The following TNFSF4 variants were observed in gnomAD, a reference collection of about 807,000 sequenced individuals.
The protein encoded by TNFSF4 is tumor necrosis factor ligand superfamily member 4.
In TNFSF4, 4 loss-of-function variants were observed where a neutral mutation model predicts 7.3. The observed-to-expected ratio is 0.55, with a 90% CI of 0.27 to 1.25. The LOEUF (loss-of-function observed/expected upper bound fraction) is 1.25. TNFSF4 is among the 50% of genes most tolerant of loss of function. The pLI is 0.12. For synonymous variants in TNFSF4, 76 were observed against 83.7 expected, an observed-to-expected ratio of 0.91 and a Z score of 0.50; for missense variants, 181 against 208.8, an observed-to-expected ratio of 0.87 and a Z score of 0.82.
the TNFSF4 span, among the ~76,000 whole-genome samples, chr1:173,258,433 A>G: frequency 4.6e-5 from 7 of 152,004 alleles, no homozygotes; most frequent in African/African-American, 1.7e-4. Flanking sequence ...TGATTGTGCT[A>G]CCCCAACCAG....
At chr1:173,390,879 G>A in the TNFSF4 span, among the ~76,000 whole-genome samples, 1 of 151,308 alleles carries the variant, frequency 6.6e-6, no homozygotes. Flanking sequence ...TCGAGTAGCT[G>A]GAATTACAGG....
the TNFSF4 span, among the ~76,000 whole-genome samples, chr1:173,345,679 A>T: frequency 6.6e-6 from 1 of 152,230 alleles, no homozygotes; most frequent in Non-Finnish European, 1.5e-5. Flanking sequence ...TGAAAGATGG[A>T]CTAAATGGAC....
At chr1:173,217,508 G>T in the TNFSF4 span, among the ~76,000 whole-genome samples, 2 of 152,302 alleles carry the variant, frequency 1.3e-5, no homozygotes, top group South Asian at 4.1e-4. Context: ...CTTCTACCGT[G>T]CCTGATACAT....
At chr1:173,204,916 C>CACACAA (rs1553213474) in intron 1 of TNFSF4, among the ~76,000 whole-genome samples, 104 of 134,150 alleles carry the variant, frequency 7.8e-4, no homozygotes, top group African/African-American at 3.6e-3. Context: ...CACACACACA[C>CACACAA]ACACACAAAC....
At chr1:173,365,081 T>C in the TNFSF4 span, among the ~76,000 whole-genome samples, 2 of 147,256 alleles carry the variant, frequency 1.4e-5, no homozygotes, top group Admixed American at 6.7e-5. Context: ...TGTGAGACCC[T>C]GTCACAGGGA....
At chr1:173,448,547 A>G in the TNFSF4 span, among the ~76,000 whole-genome samples, 1 of 152,126 alleles carries the variant, frequency 6.6e-6, no homozygotes, top group African/African-American at 2.4e-5. Flanking sequence ...GGGCCATTTT[A>G]TAAGATTTGG....
At chr1:173,410,841 A>C in the TNFSF4 span, among the ~76,000 whole-genome samples, 1 of 152,174 alleles carries the variant, frequency 6.6e-6, no homozygotes, top group Non-Finnish European at 1.5e-5. Context: ...CTCTGTGTAC[A>C]GCTTTAAACC....
At chr1:173,249,499 T>C in the TNFSF4 span, among the ~76,000 whole-genome samples, 1 of 152,224 alleles carries the variant, frequency 6.6e-6, no homozygotes, top group African/African-American at 2.4e-5. Flanking sequence ...CTAAGTGTTC[T>C]GTTCCTTGTG....
chr1:173,362,557 G>A, the TNFSF4 span: 7 of 534,288 alleles, frequency 1.3e-5, no homozygotes, highest in East Asian at 1.0e-4. Context: ...TAATGCCTCC[G>A]ATTCTCACAC....
At chr1:173,351,985 A>G in the TNFSF4 span, 1 of 481,844 alleles carries the variant, frequency 2.1e-6, no homozygotes, top group African/African-American at 2.0e-5. Flanking sequence ...TACAAGGAAG[A>G]AAAAATTGAG....
chr1:173,240,664 A>T, the TNFSF4 span, among the ~76,000 whole-genome samples: 13 of 152,122 alleles, frequency 8.5e-5, no homozygotes, highest in African/African-American at 3.1e-4. Context: ...CCTCATAAAC[A>T]TTTCCTTGAT....
the TNFSF4 span, among the ~76,000 whole-genome samples, chr1:173,367,200 C>T: frequency 1.2e-3 from 177 of 152,350 alleles, 1 homozygote; most frequent in African/African-American, 4.1e-3. Flanking sequence ...CACACTCTCA[C>T]GACTGCAAGG....
the TNFSF4 span, among the ~76,000 whole-genome samples, chr1:173,332,808 T>C: frequency 1.3e-5 from 2 of 152,282 alleles, no homozygotes; most frequent in East Asian, 3.9e-4. Context: ...ATCAGGCCAC[T>C]GCACTCCAGC....
the TNFSF4 span, among the ~76,000 whole-genome samples, chr1:173,438,575 T>C: frequency 6.6e-6 from 1 of 152,206 alleles, no homozygotes; most frequent in Non-Finnish European, 1.5e-5. Flanking sequence ...AATAGGTCAT[T>C]TGCCTCTTAA....
At chr1:173,419,988 G>A in the TNFSF4 span, among the ~76,000 whole-genome samples, 4 of 151,992 alleles carry the variant, frequency 2.6e-5, no homozygotes, top group Admixed American at 1.3e-4. Context: ...CCTTTCCCCC[G>A]ATTTTTACCT....
At chr1:173,353,329 AAT>A in the TNFSF4 span, among the ~76,000 whole-genome samples, 1 of 152,202 alleles carries the variant, frequency 6.6e-6, no homozygotes, top group African/African-American at 2.4e-5. Flanking sequence ...CAAAAGTACT[AAT>A]TTGGAGAACT....
At chr1:173,173,680 T>C in the TNFSF4 span, among the ~76,000 whole-genome samples, 31 of 152,354 alleles carry the variant, frequency 2.0e-4, no homozygotes, top group South Asian at 4.4e-3. Flanking sequence ...GCTTGGGGCT[T>C]GCACCGTCTG....
At chr1:173,435,364 G>A in the TNFSF4 span, among the ~76,000 whole-genome samples, 2 of 152,172 alleles carry the variant, frequency 1.3e-5, no homozygotes, top group African/African-American at 4.8e-5. Flanking sequence ...TTCATGTGTT[G>A]CACTCCTAAC....
chr1:173,179,964 C>T (rs998631692), downstream of TNFSF4, among the ~76,000 whole-genome samples: 1 of 152,138 alleles, frequency 6.6e-6, no homozygotes, highest in Non-Finnish European at 1.5e-5. Context: ...TGGTTTCTTC[C>T]AATTTTCAGA....
Sources: gnomAD v4.1 joint callset for allele counts (sites outside exome capture counted in the v4.1 genomes callset) on GRCh38, gnomAD v4.1.1 for gene constraint, MANE v1.5 for transcripts, NCBI Gene and HGNC (gene_info 2026-07-23, HGNC 2026-07-21) for gene names.